The following COL2A1 variants were observed in gnomAD, a reference collection of about 807,000 sequenced individuals.
COL2A1 encodes collagen type II alpha 1 chain.
COL2A1 carries 28 observed loss-of-function variants against 204.5 expected under a neutral mutation model. That is an observed-to-expected ratio of 0.14 (90% CI 0.10 to 0.19). The LOEUF (loss-of-function observed/expected upper bound fraction) is 0.19. COL2A1 is among the 10% of genes least tolerant of loss of function. The pLI is 1.00. For missense variants in COL2A1, 1,388 were observed against 2,027.5 expected, an observed-to-expected ratio of 0.68 and a Z score of 6.06; for synonymous variants, 708 against 718.7, an observed-to-expected ratio of 0.99 and a Z score of 0.24.
At position 47,974,275 on chromosome 12, in the gene COL2A1, G is replaced by C. The variant is rs144742519; in HGVS notation, c.4131C>G (p.Phe1377Leu). 1 of 1,614,230 alleles carries C rather than the reference G, an allele frequency of 6.2e-7. No individual in the cohort carries two copies. The highest frequency in any genetic ancestry group is 1.1e-5 in the South Asian group (1 of 91,084). Residue 1377 changes from phenylalanine (F) to leucine (L), a missense_variant, in exon 53 of 54, where the codon TTC (phenylalanine) becomes TTG (leucine). This residue lies in a region of COL2A1 where 303 missense variants were observed against 369.2 expected (regional missense o/e 0.82). Transcript: ENST00000380518. The stretch of plus-strand genomic sequence containing the variant: ...AGCCTTCCGTGGACAGCAGGCGTAG[G>C]AAGGTCATCTGGACGTTGGCAGTGT... ...APNTANVQMTFLRLLSTEGSQ... is the reference protein window; with the variant it reads ...APNTANVQMTLLRLLSTEGSQ...
chr12:47,992,602 C>T (rs1939758646), intron 16 of COL2A1, among the ~76,000 whole-genome samples: 1 of 152,136 alleles, frequency 6.6e-6, no homozygotes. Context: ...CTGGATTGCC[C>T]AGGGAGTGGG....
intron 8 of COL2A1, among the ~76,000 whole-genome samples, chr12:47,996,269 T>C (rs572990878): frequency 6.6e-6 from 1 of 152,336 alleles, no homozygotes; most frequent in East Asian, 1.9e-4. Flanking sequence ...CATTCTTCAG[T>C]TCTCATTCCA....
At chr12:48,000,237 G>A (rs1470109671) in intron 1 of COL2A1, 112 bp from the exon 2 acceptor site, 3 of 775,038 alleles carry the variant, frequency 3.9e-6, no homozygotes, top group Non-Finnish European at 6.7e-6. Flanking sequence ...AAATGCTGAA[G>A]AATGTAGGCT....
rs10875714 is a variant in COL2A1 at position 47,986,899 on chromosome 12, G to A, written c.1366-11C>T. The stretch of plus-strand genomic sequence containing the variant: ...AATACCAGGTTCACCCTTGAAAAGA[G>A]AGGCAGGTCCTCACACCAGATTCTC... On this transcript the variant is annotated splice_polypyrimidine_tract_variant and intron_variant, in intron 21 of 53. Transcript: ENST00000380518. 346,150 of 1,613,584 alleles carry A rather than the reference G, an allele frequency of 0.21. 38,450 individuals are homozygous for A. The highest frequency in any genetic ancestry group is 0.29 in the East Asian group (12,968 of 44,868).
intron 46 of COL2A1, 70 bp from the exon 47 acceptor site, chr12:47,977,225 C>T (rs932620705): frequency 1.3e-6 from 2 of 1,590,406 alleles, no homozygotes; most frequent in Admixed American, 3.3e-5. Flanking sequence ...CATCTGAGGC[C>T]ACTGCTCCTT....
intron 50 of COL2A1, 124 bp downstream of exon 50, chr12:47,975,839 A>T (rs1007883835): frequency 1.1e-6 from 1 of 880,524 alleles, no homozygotes; most frequent in Non-Finnish European, 1.9e-6. Flanking sequence ...AGACCTCAGG[A>T]TAAAGGATGC....
chr12:47,987,057 G>A lies in COL2A1; in HGVS notation c.1365+21C>T, dbSNP rs759796425. On this transcript the variant is annotated intron_variant, in intron 21 of 53. Coordinates refer to ENST00000380518, the MANE Select transcript of COL2A1 (RefSeq NM_001844.5). This position sits in a 1 kb window ranked among gnomAD's most constrained non-coding sequence, Gnocchi z 4.1. The stretch of plus-strand genomic sequence containing the variant: ...ACTCCAGAGATGTCAGTGGAACTTG[G>A]GGGTCACTTTGGGCTCTTACCGTCT... 6.2e-7 allele frequency: 1 copy of A among 1,610,040 alleles called. No homozygotes were observed. Among genetic ancestry groups the A allele is most frequent in the Non-Finnish European group, 8.5e-7 (1 of 1,176,244 alleles).
chr12:47,976,162 C>A lies in COL2A1; in HGVS notation c.3490-92G>T. 2.3e-6 allele frequency: 2 copies of A among 875,710 alleles called. No individual in the cohort carries two copies. The highest frequency in any genetic ancestry group is 3.9e-6 in the Non-Finnish European group (2 of 509,908). 54.2% of individuals were successfully genotyped at this position (875,710 alleles called of 1,614,324 possible). ...TGGGTAGGTGGCTGTCCTGATAGCA[C>A]CAGCCACTCCGCCCCCAGTTCTTCA... On this transcript the variant is annotated intron_variant, in intron 49 of 53. Transcript: ENST00000380518. The surrounding 1 kb of genome is among the most constrained non-coding windows in gnomAD (Gnocchi z 4.3).
chr12:47,998,516 G>T, intron 2 of COL2A1, 85 bp from the exon 3 acceptor site: 1 of 1,371,046 alleles, frequency 7.3e-7, no homozygotes, highest in Non-Finnish European at 1.0e-6. Flanking sequence ...ACACTCATTA[G>T]ATCAAACAAG....
At position 47,977,605 on chromosome 12, in the gene COL2A1, C is replaced by G; in HGVS notation, c.3160G>C (p.Val1054Leu). Residue 1054 changes from valine (V) to leucine (L), a missense_variant, in exon 45 of 54, where the codon GTC (valine) becomes CTC (leucine). Val to Leu is a conservative substitution (Grantham distance 32). Around this residue, in one of 3 missense-constraint regions of COL2A1, gnomAD observed 884 missense variants for 1,415.8 expected, o/e 0.62. Transcript: ENST00000380518. ...CACAGACACCAGACACTCACCTTGA[C>G]TCCAGCAGCGCCATCTCTGCCAGGG... ...GPPGRDGAAG[V>L]KGDRGETGAV... The G allele has an allele frequency of 6.2e-7, 1 of 1,614,092 alleles. No individual in the cohort carries two copies. The highest frequency in any genetic ancestry group is 8.5e-7 in the Non-Finnish European group (1 of 1,180,000).
At position 47,974,117 on chromosome 12, in the gene COL2A1, G is replaced by A. The variant is rs147559634; in HGVS notation, c.4289C>T (p.Thr1430Met). The A allele has an allele frequency of 3.7e-5, 59 of 1,614,052 alleles. No homozygotes were observed. In the African/African-American group the frequency reaches 5.1e-4, roughly 14 times the overall value. ...EIRAEGNSRFTYTALKDGCTK... is the reference protein window; with the variant it reads ...EIRAEGNSRFMYTALKDGCTK... ...GCAGCCATCCTTCAGGGCAGTGTAC[G>A]TGAACCTGCTATTGCCCTCTGCCCG... The change falls in exon 53 of 54, where the codon ACG becomes ATG. Residue 1430 changes from threonine (T) to methionine (M), a missense_variant. Thr to Met is a moderately conservative substitution (Grantham distance 81, BLOSUM62 -1). This residue lies in a region of COL2A1 where 303 missense variants were observed against 369.2 expected (regional missense o/e 0.82). Coordinates refer to ENST00000380518, the MANE Select transcript of COL2A1 (RefSeq NM_001844.5).
Position 47,976,417 on chromosome 12 carries a change from C to T in COL2A1, c.3489+97G>A, listed in dbSNP as rs1019666830. ...TACTGAGTGAGGACCCCTGAGCCCACAGCTTCCCCAGAAGCAGCAGCATTT... is the reference window on the plus strand; with the variant it reads ...TACTGAGTGAGGACCCCTGAGCCCATAGCTTCCCCAGAAGCAGCAGCATTT... On this transcript the variant is annotated intron_variant, in intron 49 of 53. Coordinates refer to ENST00000380518, the MANE Select transcript of COL2A1 (RefSeq NM_001844.5). This position sits in a 1 kb window ranked among gnomAD's most constrained non-coding sequence, Gnocchi z 4.3. The T allele has an allele frequency of 3.5e-6, 5 of 1,416,786 alleles. No homozygotes were observed. The South Asian group carries it at 5.8e-5, about 16-fold the overall frequency. The allele number at this position is 1,416,786 out of a possible 1,614,324, so 87.8% of individuals were successfully genotyped here. A position where few individuals can be genotyped will look rare whatever the true frequency, so the allele number is the denominator to read the frequency against.
intron 14 of COL2A1, 148 bp downstream of exon 14, chr12:47,993,661 G>T: frequency 9.2e-7 from 1 of 1,088,448 alleles, no homozygotes; most frequent in Non-Finnish European, 1.4e-6. Flanking sequence ...GCCTGCTGTT[G>T]GCCCATCAGG....
chr12:47,995,240 C>T lies in COL2A1; in HGVS notation c.762+15G>A, dbSNP rs10875716. The stretch of plus-strand genomic sequence containing the variant: ...AAGGAGGCAGCTCCTCATTTGTCTA[C>T]TCGTGTATACTCACATCATCACCAG... On this transcript the variant is annotated intron_variant, in intron 11 of 53. Coordinates refer to ENST00000380518, the MANE Select transcript of COL2A1 (RefSeq NM_001844.5). 533,074 of 1,606,170 alleles carry T rather than the reference C, an allele frequency of 0.33. 95,544 individuals carry two copies. The highest frequency in any genetic ancestry group is 0.37 in the Non-Finnish European group (434,021 of 1,172,668).
In COL2A1 at chr12:47,977,633, G is replaced by T. The variant is rs780693364; in HGVS notation, c.3132C>A (p.Gly1044=). 2 of 1,613,962 alleles carry T rather than the reference G, an allele frequency of 1.2e-6. No homozygotes were observed. Among genetic ancestry groups the T allele is most frequent in the South Asian group, 2.2e-5 (2 of 91,080 alleles). ...PGREGSPGAD[G]PPGRDGAAGV... ...CAGCAGCGCCATCTCTGCCAGGGGG[G>T]CCATCAGCACCGGGGCTTCCCTGGA... The change falls in exon 45 of 54, where the codon GGC becomes GGA. Residue 1044 remains glycine, a synonymous_variant. Coordinates refer to ENST00000380518, the MANE Select transcript of COL2A1 (RefSeq NM_001844.5).
intron 36 of COL2A1, among the ~76,000 whole-genome samples, 177 bp from the exon 37 acceptor site, chr12:47,981,573 G>A (rs931047226): frequency 1.3e-5 from 2 of 152,258 alleles, no homozygotes; most frequent in African/African-American, 4.8e-5. Context: ...TGCTGAATGT[G>A]TGTTTACCCC....
Position 47,985,788 on chromosome 12 carries a change from G to A in COL2A1, c.1620C>T (p.Gly540=), listed in dbSNP as rs562262582. 16 of 1,613,388 alleles carry A rather than the reference G, an allele frequency of 9.9e-6. 1 individual carries two copies. In the South Asian group the frequency reaches 1.3e-4, roughly 13 times the overall value. ...CAGGGTCACCGTTGGCTCCCTTGGG[G>A]CCAGCAAGACCACTGGGCCCTCGCT... The part of the protein sequence containing the change: ...PGERGPSGLA[G]PKGANGDPGR... Residue 540 remains glycine (G), a synonymous_variant, in exon 25 of 54, where the codon GGC becomes GGT. Coordinates refer to ENST00000380518, the MANE Select transcript of COL2A1 (RefSeq NM_001844.5).
intron 15 of COL2A1, 106 bp from the exon 16 acceptor site, chr12:47,993,037 G>T: frequency 1.9e-6 from 2 of 1,080,570 alleles, no homozygotes; most frequent in Non-Finnish European, 2.8e-6. Flanking sequence ...GAGGGAGGAT[G>T]CCCACACCCA....
In COL2A1 at chr12:47,997,885, C is replaced by T. The variant is rs1402865784; in HGVS notation, c.415G>A (p.Asp139Asn). The T allele has an allele frequency of 1.2e-6, 2 of 1,614,014 alleles. No homozygotes were observed. Among genetic ancestry groups the T allele is most frequent in the African/African-American group, 2.7e-5 (2 of 74,948 alleles). ...GEQGPRGDRGDKGEKGAPGPR... is the reference protein window; with the variant it reads ...GEQGPRGDRGNKGEKGAPGPR... ...TTTTTACTCACTTTTTCACCTTTGTCACCACGATCCCCTCTGGGTCCTTGT... is the reference window on the plus strand; with the variant it reads ...TTTTTACTCACTTTTTCACCTTTGTTACCACGATCCCCTCTGGGTCCTTGT... Residue 139 changes from aspartate (D) to asparagine (N), a missense_variant, in exon 6 of 54, where the codon GAC (aspartate) becomes AAC (asparagine). By Grantham distance (23) the Asp-to-Asn change is conservative. Transcript: ENST00000380518.
Sources: allele counts gnomAD v4.1 joint callset (sites outside exome capture counted in the v4.1 genomes callset), GRCh38; gene constraint gnomAD v4.1.1; regional missense constraint gnomAD v4.1.1; non-coding constraint Gnocchi (gnomAD v3.1); transcripts MANE v1.5; gene names NCBI Gene and HGNC (gene_info 2026-07-23, HGNC 2026-07-21).